NEDD9: variants seen among roughly 807,000 people sequenced by gnomAD.
The protein encoded by NEDD9 is neural precursor cell expressed, developmentally down-regulated 9, also known as enhancer of filamentation 1.
Under a neutral mutation model 76.6 loss-of-function variants are expected in NEDD9, and 26 were observed. The ratio of observed to expected loss-of-function variants is 0.34; its 90% CI spans 0.25 to 0.47. NEDD9 has a LOEUF of 0.47. NEDD9 is among the 20% of genes least tolerant of loss of function. NEDD9 has a pLI of 1.00. For missense variants in NEDD9, 937 were observed against 1,058.5 expected (o/e 0.89, Z 1.59); for synonymous variants, 392 against 414.2 (o/e 0.95, Z 0.65).
intron 3 of NEDD9, among the ~76,000 whole-genome samples, chr6:11,293,907 G>A (rs2113381964): frequency 6.6e-6 from 1 of 152,010 alleles, no homozygotes; most frequent in South Asian, 2.1e-4. Context: ...TCTGTGCCTG[G>A]CTTATTTCAC....
At chr6:11,268,493 C>T (rs963156489) in intron 3 of NEDD9, among the ~76,000 whole-genome samples, 7 of 151,900 alleles carry the variant, frequency 4.6e-5, no homozygotes, top group African/African-American at 1.4e-4. Context: ...TTTGGGAGGC[C>T]GAAGCGGGCA....
At chr6:11,336,094 C>T (rs574168746) in intron 1 of NEDD9, among the ~76,000 whole-genome samples, 6 of 152,338 alleles carry the variant, frequency 3.9e-5, no homozygotes, top group African/African-American at 1.4e-4. Flanking sequence ...GCCCTCACCT[C>T]CCTCAGAGTC....
At chr6:11,223,044 G>A (rs148518262) in intron 1 of NEDD9, among the ~76,000 whole-genome samples, 1 of 152,320 alleles carries the variant, frequency 6.6e-6, no homozygotes, top group African/African-American at 2.4e-5. Flanking sequence ...GCATGCACAC[G>A]TGTGTTACTG....
chr6:11,236,312 A>G (rs1169090100), upstream of NEDD9, among the ~76,000 whole-genome samples: 1 of 152,190 alleles, frequency 6.6e-6, no homozygotes, highest in East Asian at 1.9e-4. The surrounding 1 kb of genome is among the most constrained non-coding windows in gnomAD (Gnocchi z 5.5). Context: ...CTGCTCTTCA[A>G]CCAAGCACTC....
At chr6:11,380,588 G>C (rs1403445072) in intron 1 of NEDD9, among the ~76,000 whole-genome samples, 1 of 152,228 alleles carries the variant, frequency 6.6e-6, no homozygotes, top group Non-Finnish European at 1.5e-5. Context: ...GTGAGGCCTG[G>C]AGGAGGGAGG....
At chr6:11,292,981 A>G (rs1272034424) in intron 3 of NEDD9, among the ~76,000 whole-genome samples, 4 of 152,246 alleles carry the variant, frequency 2.6e-5, no homozygotes, top group African/African-American at 7.2e-5. Flanking sequence ...AACTAGATTC[A>G]TTAAGAATGG....
intron 2 of NEDD9, among the ~76,000 whole-genome samples, chr6:11,195,837 A>G (rs1470696585): frequency 6.6e-6 from 1 of 152,162 alleles, no homozygotes; most frequent in Non-Finnish European, 1.5e-5. Context: ...TTTACTAAAA[A>G]TATAAAATTA....
At chr6:11,300,397 T>A (rs1761017812) in intron 3 of NEDD9, among the ~76,000 whole-genome samples, 1 of 152,198 alleles carries the variant, frequency 6.6e-6, no homozygotes, top group Admixed American at 6.5e-5. Flanking sequence ...TTGGTGTACC[T>A]GAAAGTGACG....
intron 3 of NEDD9, 150 bp from the exon 4 acceptor site, chr6:11,192,596 C>CT (rs34998457): frequency 0.2 from 98,849 of 502,300 alleles, 6,901 homozygotes; most frequent in Middle Eastern, 0.24. Flanking sequence ...GATTTATTGC[C>CT]TTTTTTTTTA....
chr6:11,319,686 GGA>G (rs1761721761), intron 2 of NEDD9, among the ~76,000 whole-genome samples: 2 of 83,796 alleles, frequency 2.4e-5, no homozygotes, highest in East Asian at 4.9e-4. Flanking sequence ...ACACAAACAT[GGA>G]CACTCACACA....
intron 1 of NEDD9, among the ~76,000 whole-genome samples, chr6:11,379,065 C>A (rs989200625): frequency 6.6e-6 from 1 of 152,322 alleles, no homozygotes; most frequent in South Asian, 2.1e-4. Flanking sequence ...CTAACAAGGG[C>A]AGCTTGGACC....
chr6:11,307,771 A>C (rs1471706977), intron 2 of NEDD9, among the ~76,000 whole-genome samples: 1 of 152,194 alleles, frequency 6.6e-6, no homozygotes, highest in Non-Finnish European at 1.5e-5. Flanking sequence ...CAAGACATAG[A>C]GTACTGCCAG....
intron 3 of NEDD9, among the ~76,000 whole-genome samples, chr6:11,299,769 G>A (rs1276940110): frequency 1.3e-5 from 2 of 152,202 alleles, no homozygotes; most frequent in Non-Finnish European, 2.9e-5. Flanking sequence ...AAGCTGAGGG[G>A]TCTGTAAGAA....
intron 3 of NEDD9, among the ~76,000 whole-genome samples, chr6:11,270,199 G>A (rs1760274284): frequency 6.6e-6 from 1 of 152,202 alleles, no homozygotes; most frequent in Admixed American, 6.5e-5. Context: ...AAAGGGGTTT[G>A]CCATAGGGCG....
At chr6:11,344,702 C>A (rs887967104) in intron 1 of NEDD9, among the ~76,000 whole-genome samples, 1 of 152,180 alleles carries the variant, frequency 6.6e-6, no homozygotes, top group Non-Finnish European at 1.5e-5. Context: ...GCCAGCACTG[C>A]GCCTCTCCTC....
chr6:11,300,517 A>G (rs919859807), intron 3 of NEDD9, among the ~76,000 whole-genome samples: 3 of 152,234 alleles, frequency 2.0e-5, no homozygotes, highest in Non-Finnish European at 4.4e-5. Flanking sequence ...AGAGAACACC[A>G]CAAAGATACT....
intron 3 of NEDD9, among the ~76,000 whole-genome samples, chr6:11,276,813 T>C (rs1760426289): frequency 6.6e-6 from 1 of 152,156 alleles, no homozygotes; most frequent in African/African-American, 2.4e-5. Context: ...GTGGCCATTA[T>C]TATAGCATAA....
At chr6:11,233,142 C>CCTCTCT (rs70991101), upstream of NEDD9, 5 of 449,228 alleles carry the variant, frequency 1.1e-5, no homozygotes. Flanking sequence ...CCTGCTGATA[C>CCTCTCT]CTCTCTCTCT....
chr6:11,220,434 G>T (rs1174307317), intron 1 of NEDD9, among the ~76,000 whole-genome samples: 1 of 152,188 alleles, frequency 6.6e-6, no homozygotes, highest in Non-Finnish European at 1.5e-5. Flanking sequence ...GTGGGAGAAG[G>T]TTTGAGAAAT....
Sources: gnomAD v4.1 joint callset for allele counts (sites outside exome capture counted in the v4.1 genomes callset) on GRCh38, gnomAD v4.1.1 for gene constraint, Gnocchi (gnomAD v3.1) non-coding constraint, MANE v1.5 for transcripts, NCBI Gene and HGNC (gene_info 2026-07-23, HGNC 2026-07-21) for gene names.